Variants in RIC1 observed in about 807,000 individuals in gnomAD.
The protein encoded by RIC1 is guanine nucleotide exchange factor subunit RIC1.
In RIC1, 88 loss-of-function variants were observed where a neutral mutation model predicts 169.0. The ratio of observed to expected loss-of-function variants is 0.52; its 90% CI spans 0.44 to 0.62. The LOEUF is 0.62. Ranked by LOEUF, RIC1 falls within the 20% of genes least tolerant of loss-of-function variation. The pLI, the probability that RIC1 is intolerant of heterozygous loss-of-function variation, is 0.00. For synonymous variants in RIC1, 790 were observed against 601.5 expected, an observed-to-expected ratio of 1.31 and a Z score of -4.59; for missense variants, 1,877 against 1,725.5, an observed-to-expected ratio of 1.09 and a Z score of -1.56.
chr9:5,647,922 G>T (rs1265259019), intron 1 of RIC1, among the ~76,000 whole-genome samples: 3 of 145,002 alleles, frequency 2.1e-5, no homozygotes, highest in African/African-American at 5.1e-5. Context: ...TTTTTTGTTT[G>T]TGTGTGTGGG....
chr9:5,746,769 C>G (rs1340984552), intron 11 of RIC1, among the ~76,000 whole-genome samples: 2 of 152,044 alleles, frequency 1.3e-5, no homozygotes, highest in Non-Finnish European at 2.9e-5. Flanking sequence ...ATCTTAATAC[C>G]TACCATCAAT....
intron 2 of RIC1, among the ~76,000 whole-genome samples, chr9:5,671,360 C>T (rs897871964): frequency 2.6e-5 from 4 of 151,696 alleles, no homozygotes; most frequent in Admixed American, 1.3e-4. Flanking sequence ...CTGCAACCTC[C>T]GCCTCCCAGG....
chr9:5,676,397 G>T (rs1199544807), intron 2 of RIC1, among the ~76,000 whole-genome samples: 1 of 152,092 alleles, frequency 6.6e-6, no homozygotes, highest in Admixed American at 6.5e-5. Flanking sequence ...ATTTTGGGAG[G>T]TGTCTATGTT....
At chr9:5,704,757 A>G (rs1339074050) in intron 3 of RIC1, among the ~76,000 whole-genome samples, 9 of 152,146 alleles carry the variant, frequency 5.9e-5, no homozygotes, top group Admixed American at 6.5e-5. Flanking sequence ...CAAGGCCATG[A>G]CAATTTACGC....
intron 25 of RIC1, among the ~76,000 whole-genome samples, chr9:5,773,716 A>G (rs1284773509): frequency 6.6e-6 from 1 of 152,172 alleles, no homozygotes; most frequent in Non-Finnish European, 1.5e-5. Context: ...TACTGGTTCT[A>G]AAACATCAGC....
rs1382490202 is a variant in RIC1, at chr9:5,774,451, T to A, written c.*205T>A. The A allele has an allele frequency of 8.7e-6, 4 of 457,216 alleles. No individual in the cohort carries two copies. Among genetic ancestry groups the A allele is most frequent in the Admixed American group, 3.7e-5 (1 of 27,176 alleles). 28.3% of individuals were successfully genotyped at this position (457,216 alleles called of 1,614,324 possible). On this transcript the variant is annotated 3_prime_UTR_variant, in exon 26 of 26. Transcript: ENST00000414202. ...ATATAAAGCATCTTTCATAAAAAAATTTTAAGCTGCAGTGAAAAGTAAATA... is the reference window on the plus strand; with the variant it reads ...ATATAAAGCATCTTTCATAAAAAAAATTTAAGCTGCAGTGAAAAGTAAATA...
intron 1 of RIC1, among the ~76,000 whole-genome samples, chr9:5,649,751 T>C (rs1818702809): frequency 1.4e-5 from 2 of 146,830 alleles, no homozygotes; most frequent in Non-Finnish European, 3.0e-5. Context: ...TTTTTTTTTT[T>C]CACATTACTT....
At chr9:5,715,248 G>T (rs1480572203) in intron 4 of RIC1, among the ~76,000 whole-genome samples, 4 of 152,116 alleles carry the variant, frequency 2.6e-5, no homozygotes, top group Non-Finnish European at 5.9e-5. Context: ...AGTGTCTGTA[G>T]GTACCAAGAA....
intron 2 of RIC1, among the ~76,000 whole-genome samples, chr9:5,668,744 T>C (rs1819927384): frequency 6.6e-6 from 1 of 152,216 alleles, no homozygotes; most frequent in Non-Finnish European, 1.5e-5. Context: ...AAAAAAAATT[T>C]TCCCTTTTAT....
intron 1 of RIC1, among the ~76,000 whole-genome samples, chr9:5,649,887 C>G (rs1272167245): frequency 6.6e-6 from 1 of 151,828 alleles, no homozygotes; most frequent in Non-Finnish European, 1.5e-5. Context: ...GGGTAGGGCA[C>G]CTTGTCTTTG....
intron 2 of RIC1, among the ~76,000 whole-genome samples, chr9:5,684,873 A>G (rs1821115612): frequency 6.6e-6 from 1 of 152,184 alleles, no homozygotes; most frequent in Non-Finnish European, 1.5e-5. Flanking sequence ...TTTAATCAGG[A>G]ATGGATGTTG....
chr9:5,687,257 C>T (rs1006329448), intron 2 of RIC1, among the ~76,000 whole-genome samples: 12 of 151,948 alleles, frequency 7.9e-5, no homozygotes, highest in African/African-American at 2.9e-4. Flanking sequence ...TTTTAGTGAT[C>T]TTCTAAAACA....
chr9:5,684,687 C>G (rs1001928007), intron 2 of RIC1, among the ~76,000 whole-genome samples: 27 of 152,190 alleles, frequency 1.8e-4, no homozygotes, highest in Non-Finnish European at 3.7e-4. Context: ...CTTTTTCTCC[C>G]CAATTTATAT....
At chr9:5,721,309 A>T (rs1823573029) in intron 6 of RIC1, among the ~76,000 whole-genome samples, 2 of 152,224 alleles carry the variant, frequency 1.3e-5, no homozygotes, top group South Asian at 4.1e-4. Flanking sequence ...TCACACAGCC[A>T]GGAAAGATTA....
At position 5,769,507 on chromosome 9, in the gene RIC1, A is replaced by G. The variant is rs1440567460; in HGVS notation, c.3424+251A>G. Reference sequence around the variant, plus strand: ...AAATCTAATCATACTTGGATTATAAAGAAGTTGAGAACTGCCTGAATATAA... The same window carrying G: ...AAATCTAATCATACTTGGATTATAAGGAAGTTGAGAACTGCCTGAATATAA... On this transcript the variant is annotated intron_variant, in intron 22 of 25. Coordinates refer to ENST00000414202, the MANE Select transcript of RIC1 (RefSeq NM_020829.4). 2.2e-6 allele frequency: 3 copies of G among 1,340,888 alleles called. No individual in the cohort carries two copies. The East Asian group carries it at 7.8e-5, about 35-fold the overall frequency. 83.1% of individuals were successfully genotyped at this position (1,340,888 alleles called of 1,614,324 possible).
intron 19 of RIC1, among the ~76,000 whole-genome samples, chr9:5,764,388 A>T (rs533670262): frequency 6.6e-6 from 1 of 152,362 alleles, no homozygotes; most frequent in African/African-American, 2.4e-5. Flanking sequence ...GGCCTGCCAC[A>T]GCAAAGACCC....
At chr9:5,696,739 G>T (rs955689142) in intron 3 of RIC1, among the ~76,000 whole-genome samples, 30 of 152,284 alleles carry the variant, frequency 2.0e-4, no homozygotes, top group Admixed American at 1.6e-3. Context: ...GAATAGAATT[G>T]CTGGGTCATA....
At chr9:5,662,846 T>C (rs922216692) in intron 2 of RIC1, among the ~76,000 whole-genome samples, 1 of 152,208 alleles carries the variant, frequency 6.6e-6, no homozygotes, top group South Asian at 2.1e-4. Flanking sequence ...TCAGTTCTGC[T>C]CTGATCTTGG....
chr9:5,745,273 CCTTCA>C (rs770650032), intron 10 of RIC1, among the ~76,000 whole-genome samples: 32 of 152,214 alleles, frequency 2.1e-4, no homozygotes, highest in South Asian at 1.2e-3. Context: ...TACCCCTGCC[CCTTCA>C]CCATTTTCTT....
Sources: allele counts gnomAD v4.1 joint callset (sites outside exome capture counted in the v4.1 genomes callset), GRCh38; gene constraint gnomAD v4.1.1; transcripts MANE v1.5; gene names NCBI Gene and HGNC (gene_info 2026-07-23, HGNC 2026-07-21).